AP2B1: variants seen among roughly 807,000 people sequenced by gnomAD.
The protein encoded by AP2B1 is adaptor related protein complex 2 subunit beta 1.
A neutral mutation model predicts 102.0 loss-of-function variants in AP2B1; 23 were observed. That is an observed-to-expected ratio of 0.23 (90% CI 0.16 to 0.32). AP2B1 has a LOEUF of 0.32. AP2B1 is among the 10% of genes least tolerant of loss of function. The pLI, the probability that AP2B1 is intolerant of heterozygous loss-of-function variation, is 1.00. For missense variants in AP2B1, 541 were observed against 1,157.4 expected (o/e 0.47, Z 7.73); for synonymous variants, 381 against 421.2 (o/e 0.90, Z 1.17).
At chr17:35,682,911 T>C in intron 18 of AP2B1, 87 bp downstream of exon 18, 1 of 1,292,114 alleles carries the variant, frequency 7.7e-7, no homozygotes. Context: ...ACAGTCTTAC[T>C]CTGTTGCCCA....
intron 3 of AP2B1, among the ~76,000 whole-genome samples, chr17:35,605,233 T>C (rs2073630641): frequency 6.7e-6 from 1 of 148,926 alleles, no homozygotes; most frequent in African/African-American, 2.4e-5. Flanking sequence ...CTTTTCTCTT[T>C]TCTTTTCTTT....
At chr17:35,657,553 A>G (rs2075261019) in intron 13 of AP2B1, 46 bp from the exon 14 acceptor site, 1 of 1,549,864 alleles carries the variant, frequency 6.5e-7, no homozygotes, top group African/African-American at 1.4e-5. Context: ...GTCCTAGGTG[A>G]AACTGACTTT....
chr17:35,678,628 T>G (rs2075752199), intron 17 of AP2B1, among the ~76,000 whole-genome samples: 1 of 152,234 alleles, frequency 6.6e-6, no homozygotes, highest in Non-Finnish European at 1.5e-5. Context: ...GTGAACTTTT[T>G]TAGTCCATTA....
At chr17:35,665,940 T>G (rs2075455271) in intron 14 of AP2B1, among the ~76,000 whole-genome samples, 1 of 152,262 alleles carries the variant, frequency 6.6e-6, no homozygotes, top group African/African-American at 2.4e-5. Context: ...CGCTCAGTGG[T>G]TATCTCAGAT....
chr17:35,674,247 C>G lies in AP2B1; in HGVS notation c.2250C>G (p.Ile750Met), dbSNP rs779415849. 6.2e-7 allele frequency: 1 copy of G among 1,614,068 alleles called. No homozygotes were observed. Among genetic ancestry groups the G allele is most frequent in the African/African-American group, 1.3e-5 (1 of 74,914 alleles). ...SGTFTHRQGH[I>M]YMEMNFTNKA... ...CATTTACTCACCGCCAAGGGCACAT[C>G]TATATGGAAATGAACTTCACCAATA... Residue 750 changes from isoleucine (I) to methionine (M), a missense_variant, in exon 17 of 22, where the codon ATC becomes ATG. Coordinates refer to ENST00000610402, the MANE Select transcript of AP2B1 (RefSeq NM_001030006.2).
In AP2B1 at chr17:35,642,092, T is replaced by C. The variant is rs2074798010; in HGVS notation, c.1536+117T>C. 4.7e-6 allele frequency: 3 copies of C among 643,028 alleles called. No individual in the cohort carries two copies. The South Asian group carries it at 6.5e-5, about 14-fold the overall frequency. 39.8% of individuals were successfully genotyped at this position (643,028 alleles called of 1,614,324 possible). A position where few individuals can be genotyped will look rare whatever the true frequency, so the allele number is the denominator to read the frequency against. On this transcript the variant is annotated intron_variant, in intron 12 of 21. Transcript: ENST00000610402. ...GCTTTATTTGAAGGAAGTATGGCCT[T>C]TAGATCCTGTTAAAATATTAAAACA...
intron 1 of AP2B1, among the ~76,000 whole-genome samples, chr17:35,593,221 C>T (rs1455588672): frequency 6.6e-6 from 1 of 151,902 alleles, no homozygotes; most frequent in Non-Finnish European, 1.5e-5. Context: ...TGAATAAGAT[C>T]TAGTATTTGA....
chr17:35,636,653 A>G (rs2074615468), intron 10 of AP2B1, among the ~76,000 whole-genome samples, 197 bp downstream of exon 10: 1 of 152,220 alleles, frequency 6.6e-6, no homozygotes, highest in South Asian at 2.1e-4. Flanking sequence ...TTCTTTAGGA[A>G]GAATTGAAGC....
In AP2B1 at chr17:35,725,010, A is replaced by AC. The variant is rs1555594768; in HGVS notation, c.*1311_*1312insC. 1 of 152,182 alleles carries AC rather than the reference A, an allele frequency of 6.6e-6. No individual in the cohort carries two copies. Among genetic ancestry groups the AC allele is most frequent in the African/African-American group, 2.4e-5 (1 of 41,436 alleles). 9.4% of individuals were successfully genotyped at this position (152,182 alleles called of 1,614,324 possible). Reference sequence around the variant, plus strand: ...ATAGGTGCAGAGATGAAGTGAGCTTAGAGATGTTGCAAATGCTCTTTATCC... The same window carrying AC: ...ATAGGTGCAGAGATGAAGTGAGCTTACGAGATGTTGCAAATGCTCTTTATCC... On this transcript the variant is annotated 3_prime_UTR_variant, in exon 22 of 22. Transcript: ENST00000610402.
intron 5 of AP2B1, among the ~76,000 whole-genome samples, chr17:35,621,575 A>G (rs185707537): frequency 2.6e-5 from 4 of 152,284 alleles, no homozygotes; most frequent in East Asian, 1.9e-4. Context: ...ACAATCATCT[A>G]ATCTGATCTT....
rs759771689 is a variant in AP2B1 at position 35,627,479 on chromosome 17, T to C, written c.1033T>C (p.Leu345=). 6 of 1,614,106 alleles carry C rather than the reference T, an allele frequency of 3.7e-6. No homozygotes were observed. The highest frequency in any genetic ancestry group is 5.1e-6 in the Non-Finnish European group (6 of 1,180,020). ...AGAGAAGTTGGACATCATGATTCGT[T>C]TGGCATCTCAAGCCAACATTGCTCA... ...KLEKLDIMIR[L]ASQANIAQVL... is the part of the protein sequence containing the mutation. The change falls in exon 8 of 22, where the codon TTG becomes CTG. Residue 345 remains leucine, a synonymous_variant. Transcript: ENST00000610402.
At chr17:35,667,886 A>G (rs2075501353) in intron 14 of AP2B1, among the ~76,000 whole-genome samples, 1 of 151,974 alleles carries the variant, frequency 6.6e-6, no homozygotes, top group Admixed American at 6.5e-5. Flanking sequence ...AGGACAAATG[A>G]AACATTTTTC....
intron 11 of AP2B1, among the ~76,000 whole-genome samples, 174 bp downstream of exon 11, chr17:35,639,934 C>T (rs527918453): frequency 9.2e-5 from 14 of 152,162 alleles, no homozygotes; most frequent in East Asian, 1.9e-4. Context: ...TTTTTGTTTT[C>T]GAGACAGAGT....
rs1555594160 is a variant in AP2B1, at chr17:35,723,908, C to T, written c.*209C>T. 2.1e-6 allele frequency: 1 copy of T among 474,026 alleles called. No individual in the cohort carries two copies. Among genetic ancestry groups the T allele is most frequent in the Non-Finnish European group, 3.8e-6 (1 of 262,084 alleles). 29.4% of individuals were successfully genotyped at this position (474,026 alleles called of 1,614,324 possible). A position where few individuals can be genotyped will look rare whatever the true frequency, so the allele number is the denominator to read the frequency against. On this transcript the variant is annotated 3_prime_UTR_variant, in exon 22 of 22. Transcript: ENST00000610402. ...CATTTGTAACCACTGCTTCAGTCAC[C>T]TCCCACCTCTTGCCACCTGCTGCTG...
chr17:35,637,378 T>C (rs540213683), intron 10 of AP2B1, among the ~76,000 whole-genome samples: 35 of 152,150 alleles, frequency 2.3e-4, no homozygotes, highest in Admixed American at 6.5e-4. Context: ...AGAGACGGGG[T>C]TTCACTAGCC....
chr17:35,720,405 G>T (rs961662585), intron 21 of AP2B1, among the ~76,000 whole-genome samples: 1 of 150,824 alleles, frequency 6.6e-6, no homozygotes, highest in Non-Finnish European at 1.5e-5. Context: ...TATCCCAGAA[G>T]AAATTGAAGA....
chr17:35,710,710 ACTTT>A (rs2076428782), intron 20 of AP2B1, among the ~76,000 whole-genome samples: 1 of 152,200 alleles, frequency 6.6e-6, no homozygotes, highest in Non-Finnish European at 1.5e-5. Flanking sequence ...AGGAAGGTTA[ACTTT>A]CTTTCTTAGA....
intron 3 of AP2B1, among the ~76,000 whole-genome samples, chr17:35,598,572 C>A (rs1411700887): frequency 6.6e-6 from 1 of 152,152 alleles, no homozygotes; most frequent in Non-Finnish European, 1.5e-5. Flanking sequence ...AGTTTGATTT[C>A]ATTGCATTCA....
chr17:35,627,259 T>TTC, intron 7 of AP2B1, 126 bp from the exon 8 acceptor site: 1 of 462,172 alleles, frequency 2.2e-6, no homozygotes, highest in East Asian at 5.9e-5. Context: ...TTTTTTTTTT[T>TTC]TTTTTTTTTT....
Sources: allele counts gnomAD v4.1 joint callset (sites outside exome capture counted in the v4.1 genomes callset), GRCh38; gene constraint gnomAD v4.1.1; transcripts MANE v1.5; gene names NCBI Gene and HGNC (gene_info 2026-07-23, HGNC 2026-07-21).